MROH1: variants seen among roughly 807,000 people sequenced by gnomAD.
MROH1 encodes maestro heat like repeat family member 1, also known as maestro heat-like repeat-containing protein family member 1.
Under a neutral mutation model 116.5 loss-of-function variants are expected in MROH1, and 117 were observed. The ratio of observed to expected loss-of-function variants is 1.00; its 90% CI spans 0.86 to 1.17. The LOEUF (loss-of-function observed/expected upper bound fraction) is 1.17, where lower values mean the gene tolerates loss of function less well. MROH1 is among the 50% of genes most tolerant of loss of function. The pLI is 0.00. For synonymous variants in MROH1, 921 were observed against 583.9 expected, an observed-to-expected ratio of 1.58 and a Z score of -8.32; for missense variants, 1,873 against 1,338.5, an observed-to-expected ratio of 1.40 and a Z score of -6.23.
intron 4 of MROH1, among the ~76,000 whole-genome samples, chr8:144,174,406 G>A (rs1218933167): frequency 4.0e-5 from 6 of 151,864 alleles, no homozygotes; most frequent in East Asian, 1.9e-4. Flanking sequence ...CACCATGCCC[G>A]GCCAAAAGTA....
rs1310988340 is a variant in MROH1, at chr8:144,258,743, G to A, written c.3792-34G>A. Reference sequence around the variant, plus strand: ...ATCAGGAAGGGAGGTAGGCGTGTGTGCCCTACCAGCTGAGCACCCTGGCAA... The same window carrying A: ...ATCAGGAAGGGAGGTAGGCGTGTGTACCCTACCAGCTGAGCACCCTGGCAA... On this transcript the variant is annotated intron_variant, in intron 35 of 43. Transcript: ENST00000326134. 2.1e-5 allele frequency: 16 copies of A among 750,344 alleles called. No homozygotes were observed. In the South Asian group the frequency reaches 2.3e-4, roughly 11 times the overall value. The allele number at this position is 750,344 out of a possible 1,614,324, so 46.5% of individuals were successfully genotyped here. A position where few individuals can be genotyped will look rare whatever the true frequency, so the allele number is the denominator to read the frequency against.
chr8:144,201,108 G>A (rs1036571289), intron 12 of MROH1: 1 of 151,766 alleles, frequency 6.6e-6, no homozygotes, highest in Non-Finnish European at 1.5e-5. Context: ...CCAGGCTGGA[G>A]TGCAGTGGCG....
chr8:144,169,778 G>C (rs1821981085), intron 4 of MROH1, among the ~76,000 whole-genome samples: 1 of 149,210 alleles, frequency 6.7e-6, no homozygotes, highest in South Asian at 2.1e-4. Flanking sequence ...GAGTAGCTGG[G>C]ACTACAGGTG....
At chr8:144,218,131 A>G (rs1247046959) in intron 12 of MROH1, among the ~76,000 whole-genome samples, 1 of 152,140 alleles carries the variant, frequency 6.6e-6, no homozygotes, top group Non-Finnish European at 1.5e-5. Flanking sequence ...GCGCCCCGTC[A>G]GCCCCTATCC....
chr8:144,250,839 C>CCATA (rs1245773041), intron 33 of MROH1: 1 of 306,800 alleles, frequency 3.3e-6, no homozygotes, highest in Non-Finnish European at 6.4e-6. Context: ...CTTGTCTGTA[C>CCATA]CATACATCAC....
chr8:144,189,937 T>C (rs1164909669), intron 7 of MROH1, among the ~76,000 whole-genome samples: 1 of 152,160 alleles, frequency 6.6e-6, no homozygotes, highest in Non-Finnish European at 1.5e-5. Context: ...CAAGTGCAAA[T>C]TAGGTGGCTT....
chr8:144,164,407 C>CAA lies in MROH1; in HGVS notation c.22+575_22+576dup, dbSNP rs202061294. On this transcript the variant is annotated intron_variant, in intron 3 of 43. Coordinates refer to ENST00000326134, the MANE Select transcript of MROH1 (RefSeq NM_032450.3). ...GCGATGGAGTGAGACTCGGTCCCCCCAAAAAAAAAAAAAAAAAGACAGGGT... is the reference window on the plus strand; with the variant it reads ...GCGATGGAGTGAGACTCGGTCCCCCCAAAAAAAAAAAAAAAAAAAGACAGGGT... Among the ~76,000 whole-genome samples the CAA allele has an allele frequency of 2.9e-3, 268 of 93,684 alleles. 1 individual carries two copies. The highest frequency in any genetic ancestry group is 7.0e-3 in the African/African-American group (186 of 26,668). 61.5% of individuals were successfully genotyped at this position (93,684 alleles called of 152,430 possible).
rs981206713 is a variant in MROH1 at position 144,245,196 on chromosome 8, G to A, written c.2807G>A (p.Arg936Gln). The A allele has an allele frequency of 1.3e-5, 10 of 779,260 alleles. No individual in the cohort carries two copies. Among genetic ancestry groups the A allele is most frequent in the Non-Finnish European group, 2.4e-5 (10 of 417,792 alleles). 48.3% of individuals were successfully genotyped at this position (779,260 alleles called of 1,614,324 possible). A position where few individuals can be genotyped will look rare whatever the true frequency, so the allele number is the denominator to read the frequency against. ...ATCAAGTCCCCAAGAGGTCACGAGC[G>A]GGCGCGGGCCCTGGGCCTGAGCGCC... ...PWIKSPRGHE[R>Q]ARALGLSALL... The change falls in exon 29 of 44, where the codon CGG becomes CAG. Residue 936 changes from arginine (R) to glutamine (Q), a missense_variant. Physicochemically the swap from Arg to Gln is conservative, Grantham distance 43 (BLOSUM62 1). Coordinates refer to ENST00000326134, the MANE Select transcript of MROH1 (RefSeq NM_032450.3).
In MROH1 at chr8:144,163,728, G is replaced by T; in HGVS notation, c.-56-43G>T. 2 of 1,249,226 alleles carry T rather than the reference G, an allele frequency of 1.6e-6. No individual in the cohort carries two copies. Among genetic ancestry groups the T allele is most frequent in the Non-Finnish European group, 2.3e-6 (2 of 867,468 alleles). The allele number at this position is 1,249,226 out of a possible 1,614,324, so 77.4% of individuals were successfully genotyped here. A position where few individuals can be genotyped will look rare whatever the true frequency, so the allele number is the denominator to read the frequency against. ...GTAATTGCCTGTGAACTCAGATATC[G>T]TAGAGGCTTATGAATTAAATCTTGT... On this transcript the variant is annotated intron_variant, in intron 2 of 43. Transcript: ENST00000326134. The surrounding 1 kb of genome is among the most constrained non-coding windows in gnomAD (Gnocchi z 4.4).
At chr8:144,168,228 G>A (rs1258120664) in intron 3 of MROH1, 67 bp from the exon 4 acceptor site, 71 of 1,476,904 alleles carry the variant, frequency 4.8e-5, no homozygotes, top group Admixed American at 4.4e-5. Flanking sequence ...CTGCAGGAGT[G>A]GCAGCCGAGG....
At chr8:144,254,767 C>T in intron 33 of MROH1, 46 bp from the exon 34 acceptor site, 2 of 740,812 alleles carry the variant, frequency 2.7e-6, no homozygotes, top group Non-Finnish European at 5.0e-6. Context: ...GGGGCAGGCG[C>T]CCTGACCAGC....
chr8:144,228,871 C>T (rs1838296800), intron 14 of MROH1, among the ~76,000 whole-genome samples: 1 of 152,234 alleles, frequency 6.6e-6, no homozygotes, highest in South Asian at 2.1e-4. Context: ...ATTTTACCCA[C>T]AGTAGATCTT....
At position 144,250,222 on chromosome 8, in the gene MROH1, T is replaced by C; in HGVS notation, c.3284T>C (p.Ile1095Thr). The C allele has an allele frequency of 2.6e-6, 2 of 767,206 alleles. No individual in the cohort carries two copies. The highest frequency in any genetic ancestry group is 2.7e-5 in the South Asian group (2 of 73,776). 47.5% of individuals were successfully genotyped at this position (767,206 alleles called of 1,614,324 possible). A position where few individuals can be genotyped will look rare whatever the true frequency, so the allele number is the denominator to read the frequency against. Residue 1095 changes from isoleucine to threonine, a missense_variant, in exon 33 of 44, where the codon ATC becomes ACC. Physicochemically the swap from Ile to Thr is moderately conservative, Grantham distance 89 (BLOSUM62 -1). Transcript: ENST00000326134. Reference sequence around the variant, plus strand: ...CCCGCCCATCTACAGGTGCCCGAGATCGTGAGCGTCCTGCGCTCCAAGCTT... The same window carrying C: ...CCCGCCCATCTACAGGTGCCCGAGACCGTGAGCGTCCTGCGCTCCAAGCTT... Reference protein sequence around the residue: ...GGVLQEKVPEIVSVLRSKLQE... With the variant: ...GGVLQEKVPETVSVLRSKLQE...
intron 4 of MROH1, among the ~76,000 whole-genome samples, chr8:144,176,807 C>T (rs529317220): frequency 1.4e-4 from 20 of 144,476 alleles, no homozygotes; most frequent in Middle Eastern, 3.5e-3. Flanking sequence ...CCAGCCTGCG[C>T]GACGAGTGAG....
At chr8:144,228,681 C>G (rs759528274) in intron 14 of MROH1, among the ~76,000 whole-genome samples, 1 of 152,204 alleles carries the variant, frequency 6.6e-6, no homozygotes, top group African/African-American at 2.4e-5. Context: ...CCAAGATGGT[C>G]GCAATCTCCT....
chr8:144,172,531 C>T (rs1389191762), intron 4 of MROH1, among the ~76,000 whole-genome samples: 1 of 151,922 alleles, frequency 6.6e-6, no homozygotes, highest in South Asian at 2.1e-4. Flanking sequence ...CCTGCCTCAG[C>T]CTCCTGAGTA....
chr8:144,223,450 A>T (rs1381211173), intron 14 of MROH1, among the ~76,000 whole-genome samples: 1 of 151,966 alleles, frequency 6.6e-6, no homozygotes, highest in Non-Finnish European at 1.5e-5. Context: ...ATCATAGCAC[A>T]CTGCAGCCTG....
At chr8:144,240,887 T>C in intron 20 of MROH1, 105 bp from the exon 21 acceptor site, 1 of 707,842 alleles carries the variant, frequency 1.4e-6, no homozygotes, top group Non-Finnish European at 2.6e-6. Context: ...GCAGTTCTCA[T>C]CAGCTTGTGG....
chr8:144,159,288 G>A (rs1407809563), intron 1 of MROH1, among the ~76,000 whole-genome samples: 2 of 152,170 alleles, frequency 1.3e-5, no homozygotes, highest in South Asian at 2.1e-4. Context: ...AACCCGGAAG[G>A]CGGAGGTTGT....
Sources: gnomAD v4.1 joint callset for allele counts (sites outside exome capture counted in the v4.1 genomes callset) on GRCh38, gnomAD v4.1.1 for gene constraint, Gnocchi (gnomAD v3.1) non-coding constraint, MANE v1.5 for transcripts, NCBI Gene and HGNC (gene_info 2026-07-23, HGNC 2026-07-21) for gene names.